Variants in UBE2QL1 observed in about 807,000 individuals in gnomAD.
UBE2QL1 encodes the protein ubiquitin-conjugating enzyme E2Q-like protein 1.
Under a neutral mutation model 12.6 loss-of-function variants are expected in UBE2QL1, and 5 were observed. The observed-to-expected ratio is 0.40, with a 90% CI of 0.21 to 0.83. The LOEUF (loss-of-function observed/expected upper bound fraction) is 0.83, where lower values mean the gene tolerates loss of function less well. UBE2QL1 is among the 40% of genes least tolerant of loss of function. The pLI, the probability that UBE2QL1 is intolerant of heterozygous loss-of-function variation, is 0.37. For synonymous variants in UBE2QL1, 96 were observed against 94.5 expected, an observed-to-expected ratio of 1.02 and a Z score of -0.10; for missense variants, 99 against 222.6, an observed-to-expected ratio of 0.44 and a Z score of 3.53.
At chr5:6,466,489 G>A (rs1739797703) in intron 1 of UBE2QL1, among the ~76,000 whole-genome samples, 1 of 152,236 alleles carries the variant, frequency 6.6e-6, no homozygotes, top group Non-Finnish European at 1.5e-5. Context: ...AGGTGGGGCT[G>A]GGCAGTGTGG....
At chr5:6,475,238 G>GA (rs1560933748) in intron 1 of UBE2QL1, among the ~76,000 whole-genome samples, 6 of 152,282 alleles carry the variant, frequency 3.9e-5, no homozygotes, top group Admixed American at 1.3e-4. Flanking sequence ...GTTGCTTATA[G>GA]AAAATCTCTT....
intron 1 of UBE2QL1, among the ~76,000 whole-genome samples, chr5:6,490,156 G>A (rs1233687710): frequency 6.6e-6 from 1 of 152,198 alleles, no homozygotes; most frequent in Non-Finnish European, 1.5e-5. Context: ...GTGCCTCAGA[G>A]GCTAAGGGAA....
intron 1 of UBE2QL1, among the ~76,000 whole-genome samples, chr5:6,454,345 T>A (rs540659690): frequency 6.6e-6 from 1 of 152,294 alleles, no homozygotes; most frequent in African/African-American, 2.4e-5. Context: ...CACATGACCT[T>A]CCTTCTGTGT....
intron 1 of UBE2QL1, among the ~76,000 whole-genome samples, chr5:6,475,467 C>G (rs1734210851): frequency 6.6e-6 from 1 of 152,184 alleles, no homozygotes; most frequent in South Asian, 2.1e-4. Flanking sequence ...TATTTCCTTG[C>G]AAACATAAAG....
Position 6,495,168 on chromosome 5 carries a change from T to G in UBE2QL1, c.*3819T>G, listed in dbSNP as rs1734645590. 6.6e-6 allele frequency among the ~76,000 whole-genome samples: 1 copy of G among 152,156 alleles called. No individual in the cohort carries two copies. Among genetic ancestry groups the G allele is most frequent in the Non-Finnish European group, 1.5e-5 (1 of 68,028 alleles). On this transcript the variant is annotated 3_prime_UTR_variant, in exon 2 of 2. Coordinates refer to ENST00000399816, the MANE Select transcript of UBE2QL1 (RefSeq NM_001145161.3). ...CCTCACTGGCCCTGAACGGGAGAAC[T>G]GGAGTCCCCTTGCCACCTCTCACCT...
At chr5:6,459,752 A>T (rs1249569302) in intron 1 of UBE2QL1, among the ~76,000 whole-genome samples, 1 of 152,224 alleles carries the variant, frequency 6.6e-6, no homozygotes, top group East Asian at 1.9e-4. Flanking sequence ...ACATTTCAAA[A>T]TATCTACAAC....
chr5:6,488,142 T>C (rs1734499572), intron 1 of UBE2QL1, among the ~76,000 whole-genome samples: 1 of 152,248 alleles, frequency 6.6e-6, no homozygotes, highest in Non-Finnish European at 1.5e-5. Flanking sequence ...TCTGACTGGC[T>C]CATAACGGGC....
rs1441272516 is a variant in UBE2QL1 at position 6,492,549 on chromosome 5, G to T, written c.*1200G>T. On this transcript the variant is annotated 3_prime_UTR_variant, in exon 2 of 2. Transcript: ENST00000399816. ...GAAGTAAAAATGTTCATTCCAAGTG[G>T]CAAGTCTTATTGGACACATTTTAAA... 1 of 152,164 alleles carries T rather than the reference G, an allele frequency of 6.6e-6. No homozygotes were observed. Among genetic ancestry groups the T allele is most frequent in the Non-Finnish European group, 1.5e-5 (1 of 68,032 alleles). 9.4% of individuals were successfully genotyped at this position (152,164 alleles called of 1,614,324 possible). A position where few individuals can be genotyped will look rare whatever the true frequency, so the allele number is the denominator to read the frequency against.
rs558355918 is a variant in UBE2QL1 at position 6,482,378 on chromosome 5, C to A, written c.355-8840C>A. On this transcript the variant is annotated intron_variant, in intron 1 of 1. Coordinates refer to ENST00000399816, the MANE Select transcript of UBE2QL1 (RefSeq NM_001145161.3). ...CCCTGCCTCGCCCACCTCCACCCCC[C>A]AGCAAGCTCTGACTCCCGGAAGCCT... Among the ~76,000 whole-genome samples, 6 of 152,318 alleles carry A rather than the reference C, an allele frequency of 3.9e-5. 1 individual carries two copies. The highest frequency in any genetic ancestry group is 1.4e-4 in the African/African-American group (6 of 41,558).
chr5:6,465,959 T>C (rs1739780023), intron 1 of UBE2QL1, among the ~76,000 whole-genome samples: 1 of 152,154 alleles, frequency 6.6e-6, no homozygotes, highest in Admixed American at 6.5e-5. Flanking sequence ...CACCAGCCTG[T>C]CTCCCTCTGC....
At chr5:6,457,668 A>G (rs61195545) in intron 1 of UBE2QL1, among the ~76,000 whole-genome samples, 15,245 of 152,170 alleles carry the variant, frequency 0.1, 1,277 homozygotes, top group African/African-American at 0.22. Flanking sequence ...TGTTATTCCC[A>G]TTTTACAGAG....
Sources: gnomAD v4.1 joint callset for allele counts (sites outside exome capture counted in the v4.1 genomes callset) on GRCh38, gnomAD v4.1.1 for gene constraint, MANE v1.5 for transcripts, NCBI Gene and HGNC (gene_info 2026-07-23, HGNC 2026-07-21) for gene names.